SETD3: variants seen among roughly 807,000 people sequenced by gnomAD.
The protein encoded by SETD3 is actin-histidine N-methyltransferase.
SETD3 carries 19 observed loss-of-function variants against 63.0 expected under a neutral mutation model. That is an observed-to-expected ratio of 0.30 (90% CI 0.21 to 0.44). The LOEUF (loss-of-function observed/expected upper bound fraction) is 0.44, where lower values mean the gene tolerates loss of function less well. SETD3 is among the 20% of genes least tolerant of loss of function. SETD3 has a pLI of 1.00. For missense variants in SETD3, 587 were observed against 728.5 expected (o/e 0.81, Z 2.24); for synonymous variants, 286 against 264.1 (o/e 1.08, Z -0.80).
At chr14:99,461,128 C>A in intron 4 of SETD3, 64 bp downstream of exon 4, 1 of 1,570,530 alleles carries the variant, frequency 6.4e-7, no homozygotes, top group Admixed American at 1.8e-5. Context: ...TCACCCTGCG[C>A]CCTCTACAGC....
intron 8 of SETD3, 71 bp from the exon 9 acceptor site, chr14:99,406,661 G>C (rs1891699601): frequency 2.0e-6 from 3 of 1,473,534 alleles, no homozygotes; most frequent in Non-Finnish European, 9.5e-7. Context: ...CTACAAGCTT[G>C]TTTCTGGCAA....
At chr14:99,441,890 G>A (rs1893838708) in intron 6 of SETD3, among the ~76,000 whole-genome samples, 1 of 152,224 alleles carries the variant, frequency 6.6e-6, no homozygotes, top group Non-Finnish European at 1.5e-5. Context: ...CAAGAGCACA[G>A]GGACCCTTTG....
chr14:99,458,662 G>A (rs1278251089), intron 5 of SETD3, 127 bp from the exon 6 acceptor site: 1 of 1,200,868 alleles, frequency 8.3e-7, no homozygotes, highest in Admixed American at 2.7e-5. Flanking sequence ...TACAGGCTGG[G>A]CGCAGTGGCT....
intron 6 of SETD3, among the ~76,000 whole-genome samples, chr14:99,433,497 G>C (rs905334692): frequency 1.3e-5 from 2 of 151,856 alleles, no homozygotes; most frequent in Admixed American, 1.3e-4. Flanking sequence ...GAGTGTAGTG[G>C]TGCGATCTTG....
chr14:99,399,297 C>CG (rs2139602129), intron 12 of SETD3, among the ~76,000 whole-genome samples, 172 bp from the exon 13 acceptor site: 1 of 152,266 alleles, frequency 6.6e-6, no homozygotes, highest in East Asian at 1.9e-4. Flanking sequence ...TCAAAACGTA[C>CG]GCTTCAGAAG....
intron 6 of SETD3, among the ~76,000 whole-genome samples, chr14:99,432,053 C>T (rs1893211692): frequency 6.6e-6 from 1 of 152,170 alleles, no homozygotes; most frequent in African/African-American, 2.4e-5. Context: ...GAAAGTACTG[C>T]TTCCCCTCCT....
At chr14:99,461,511 G>A (rs1895060232) in intron 3 of SETD3, among the ~76,000 whole-genome samples, 171 bp from the exon 4 acceptor site, 1 of 152,124 alleles carries the variant, frequency 6.6e-6, no homozygotes, top group African/African-American at 2.4e-5. Context: ...CTTAACTGGT[G>A]ACAGGGAAGA....
rs555149701 is a variant in SETD3, at chr14:99,398,835, G to A, written c.1629C>T (p.Ser543=). The change falls in exon 13 of 13, where the codon AGC becomes AGT. Residue 543 remains serine, a synonymous_variant. Coordinates refer to ENST00000331768, the MANE Select transcript of SETD3 (RefSeq NM_032233.3). The part of the protein sequence containing the change: ...QDALNIREAI[S]KAKATENGLV... Reference sequence around the variant, plus strand: ...GCCCGTTTTCTGTGGCCTTTGCTTTGCTGATTGCCTCTCTGATGTTCAAGG... The same window carrying A: ...GCCCGTTTTCTGTGGCCTTTGCTTTACTGATTGCCTCTCTGATGTTCAAGG... 13 of 1,613,654 alleles carry A rather than the reference G, an allele frequency of 8.1e-6. No individual in the cohort carries two copies. In the South Asian group the frequency reaches 1.2e-4, roughly 15 times the overall value.
intron 2 of SETD3, among the ~76,000 whole-genome samples, chr14:99,465,141 G>GA (rs879589700): frequency 1.3e-4 from 19 of 151,704 alleles, no homozygotes; most frequent in Middle Eastern, 3.4e-3. Flanking sequence ...GTTTAAAAAA[G>GA]AAAAAAAATC....
intron 1 of SETD3, among the ~76,000 whole-genome samples, chr14:99,468,684 AC>A (rs1299016516): frequency 2.0e-5 from 3 of 152,116 alleles, no homozygotes; most frequent in Non-Finnish European, 4.4e-5. Flanking sequence ...TCACTTATTC[AC>A]TAACTCTTGG....
In SETD3 at chr14:99,479,422, A is replaced by G. The variant is rs150935972; in HGVS notation, c.-9+1306T>C. Among the ~76,000 whole-genome samples, 258 of 152,364 alleles carry G rather than the reference A, an allele frequency of 1.7e-3. 3 individuals are homozygous for G. The highest frequency in any genetic ancestry group is 0.016 in the Admixed American group (246 of 15,306). ...ATGGTAGCCCGTATAAACACAGTAC[A>G]TACAGCAAGGTTCAAGCAAGTCTTG... On this transcript the variant is annotated intron_variant, in intron 1 of 12. Coordinates refer to ENST00000331768, the MANE Select transcript of SETD3 (RefSeq NM_032233.3).
chr14:99,480,521 G>A (rs549010794), intron 1 of SETD3, among the ~76,000 whole-genome samples: 2 of 150,740 alleles, frequency 1.3e-5, no homozygotes, highest in African/African-American at 2.4e-5. Flanking sequence ...GACCCCGCCG[G>A]GCCCTCCTCG....
chr14:99,401,100 C>T (rs994351538), intron 11 of SETD3, among the ~76,000 whole-genome samples: 4 of 150,478 alleles, frequency 2.7e-5, no homozygotes, highest in African/African-American at 9.8e-5. Flanking sequence ...GATCGCACCA[C>T]TGCACTCCAG....
At chr14:99,400,282 T>C (rs755589970) in intron 11 of SETD3, 23 bp from the exon 12 acceptor site, 18 of 1,606,468 alleles carry the variant, frequency 1.1e-5, no homozygotes, top group Non-Finnish European at 1.1e-5. Flanking sequence ...CAAATGGCAA[T>C]CTGTTAGGAG....
chr14:99,410,516 A>G (rs1047346), intron 8 of SETD3, among the ~76,000 whole-genome samples: 11,135 of 152,248 alleles, frequency 0.073, 1,368 homozygotes, highest in African/African-American at 0.25. Flanking sequence ...AACTAATACC[A>G]CTGTCTAACA....
chr14:99,458,174 GTTT>G (rs1478936368), intron 6 of SETD3, 102 bp downstream of exon 6: 40 of 1,288,630 alleles, frequency 3.1e-5, no homozygotes. Flanking sequence ...AAAGTAAAAT[GTTT>G]AAGTATCCTT....
Position 99,452,139 on chromosome 14 carries a change from C to T in SETD3, c.675+6140G>A, listed in dbSNP as rs535353817. Among the ~76,000 whole-genome samples the T allele has an allele frequency of 1.4e-4, 21 of 152,318 alleles. No homozygotes were observed. The East Asian group carries it at 3.9e-3, about 28-fold the overall frequency. ...TTGTTTTTCCCAAAACGGAGTCTTGCTCTGTCGCCCAGGCTAGAGTGCAGT... is the reference window on the plus strand; with the variant it reads ...TTGTTTTTCCCAAAACGGAGTCTTGTTCTGTCGCCCAGGCTAGAGTGCAGT... On this transcript the variant is annotated intron_variant, in intron 6 of 12. Transcript: ENST00000331768.
intron 1 of SETD3, among the ~76,000 whole-genome samples, chr14:99,480,472 C>T (rs1250564510): frequency 6.6e-6 from 1 of 151,286 alleles, no homozygotes; most frequent in Non-Finnish European, 1.5e-5. Flanking sequence ...CGCCTCTCGC[C>T]CCGCAGGGCG....
chr14:99,433,697 A>C (rs1047852059), intron 6 of SETD3, among the ~76,000 whole-genome samples: 3 of 152,178 alleles, frequency 2.0e-5, no homozygotes, highest in East Asian at 1.9e-4. Context: ...TTGGCCTCTG[A>C]AAGTGCTGGG....
Sources: allele counts gnomAD v4.1 joint callset (sites outside exome capture counted in the v4.1 genomes callset), GRCh38; gene constraint gnomAD v4.1.1; transcripts MANE v1.5; gene names NCBI Gene and HGNC (gene_info 2026-07-23, HGNC 2026-07-21).